The following VGLL4 variants were observed in gnomAD, a reference collection of about 807,000 sequenced individuals.
VGLL4 encodes transcription cofactor vestigial-like protein 4.
A neutral mutation model predicts 21.0 loss-of-function variants in VGLL4; 7 were observed. That is an observed-to-expected ratio of 0.33 (90% CI 0.19 to 0.63). The LOEUF (loss-of-function observed/expected upper bound fraction) is 0.63. Ranked by LOEUF, VGLL4 falls within the 20% of genes least tolerant of loss-of-function variation. The pLI is 0.78. For synonymous variants in VGLL4, 222 were observed against 173.2 expected, an observed-to-expected ratio of 1.28 and a Z score of -2.21; for missense variants, 394 against 425.7, an observed-to-expected ratio of 0.93 and a Z score of 0.66.
intron 1 of VGLL4, among the ~76,000 whole-genome samples, chr3:11,714,883 C>T (rs1484412488): frequency 1.3e-5 from 2 of 152,138 alleles, no homozygotes; most frequent in African/African-American, 4.8e-5. Flanking sequence ...CGCCTGTAAC[C>T]CCAGCAGTTT....
chr3:11,707,496 A>G (rs954482260), intron 1 of VGLL4, among the ~76,000 whole-genome samples: 1 of 151,874 alleles, frequency 6.6e-6, no homozygotes, highest in Non-Finnish European at 1.5e-5. Flanking sequence ...GGGACCAAGC[A>G]TTATCTAGCC....
rs921241409 is a variant in VGLL4 at position 11,562,052 on chromosome 3, C to A, written c.496-2597G>T. Among the ~76,000 whole-genome samples the A allele has an allele frequency of 2.0e-4, 30 of 152,190 alleles. 1 individual carries two copies. Among genetic ancestry groups the A allele is most frequent in the African/African-American group, 7.0e-4 (29 of 41,526 alleles). Reference sequence around the variant, plus strand: ...AGCTGGGATTACAGGCACCCACCACCACGCCTGGCTAATTTTTGTACTTTT... The same window carrying A: ...AGCTGGGATTACAGGCACCCACCACAACGCCTGGCTAATTTTTGTACTTTT... On this transcript the variant is annotated intron_variant, in intron 3 of 4. Transcript: ENST00000430365.
At chr3:11,656,217 G>A (rs981557210) in intron 2 of VGLL4, among the ~76,000 whole-genome samples, 12 of 152,316 alleles carry the variant, frequency 7.9e-5, no homozygotes, top group African/African-American at 2.4e-4. Context: ...CACGACAGAC[G>A]AGGTCCATTC....
intron 1 of VGLL4, among the ~76,000 whole-genome samples, chr3:11,608,341 A>C (rs2074991233): frequency 6.6e-6 from 1 of 152,228 alleles, no homozygotes; most frequent in Non-Finnish European, 1.5e-5. Context: ...TGCCTAGATA[A>C]AATGAAGAAA....
chr3:11,657,526 T>C (rs1342490204), intron 2 of VGLL4, among the ~76,000 whole-genome samples: 1 of 164 alleles, frequency 6.1e-3, no homozygotes, highest in Non-Finnish European at 0.013. Flanking sequence ...GGAACAATGG[T>C]GAGAGGATCT....
intron 2 of VGLL4, among the ~76,000 whole-genome samples, chr3:11,590,665 T>A (rs1479513167): frequency 2.3e-3 from 3 of 1,330 alleles, no homozygotes; most frequent in Non-Finnish European, 0.011. Flanking sequence ...AAATGAAGAG[T>A]GTGTGTGTGT....
At chr3:11,640,641 C>G (rs1474129747) in intron 1 of VGLL4, among the ~76,000 whole-genome samples, 1 of 152,162 alleles carries the variant, frequency 6.6e-6, no homozygotes, top group Non-Finnish European at 1.5e-5. Context: ...AACTTTTTCC[C>G]TTTATTCTTT....
intron 2 of VGLL4, among the ~76,000 whole-genome samples, chr3:11,567,835 A>G (rs898961519): frequency 1.3e-5 from 2 of 152,166 alleles, no homozygotes; most frequent in African/African-American, 4.8e-5. Context: ...TAAAGATACA[A>G]TTTTATTGTT....
intron 1 of VGLL4, among the ~76,000 whole-genome samples, chr3:11,714,873 C>T (rs968870488): frequency 3.9e-5 from 6 of 152,294 alleles, no homozygotes; most frequent in Admixed American, 3.9e-4. Context: ...CAGTGGCTCA[C>T]GCCTGTAACC....
chr3:11,690,715 C>G (rs1331790954), intron 2 of VGLL4, among the ~76,000 whole-genome samples: 1 of 151,890 alleles, frequency 6.6e-6, no homozygotes, highest in African/African-American at 2.4e-5. Context: ...TGGTACTTCA[C>G]CAGATTTCAA....
intron 1 of VGLL4, among the ~76,000 whole-genome samples, chr3:11,613,204 CAAAA>C (rs2075096561): frequency 6.6e-6 from 1 of 152,108 alleles, no homozygotes; most frequent in Non-Finnish European, 1.5e-5. Flanking sequence ...TAAAAATACT[CAAAA>C]AACTTCTGTC....
intron 1 of VGLL4, among the ~76,000 whole-genome samples, chr3:11,632,806 G>A (rs967137828): frequency 6.6e-6 from 1 of 152,132 alleles, no homozygotes; most frequent in African/African-American, 2.4e-5. Flanking sequence ...ATAAAGTCAG[G>A]GATCTTGCTG....
At chr3:11,678,143 C>T (rs970687457) in intron 2 of VGLL4, among the ~76,000 whole-genome samples, 2 of 152,108 alleles carry the variant, frequency 1.3e-5, no homozygotes, top group Non-Finnish European at 2.9e-5. Flanking sequence ...AACCTCCCAC[C>T]TCCTGGGTTC....
At chr3:11,693,107 C>T (rs1397734621) in intron 2 of VGLL4, 1 of 207,884 alleles carries the variant, frequency 4.8e-6, no homozygotes, top group Admixed American at 5.3e-5. Context: ...GGGGGCGGAG[C>T]TTGCAGTGAG....
chr3:11,671,181 G>A, intron 2 of VGLL4: 1 of 1,448,442 alleles, frequency 6.9e-7, no homozygotes, highest in Non-Finnish European at 9.3e-7. Flanking sequence ...ACTTTTCTTT[G>A]CAATACTATT....
At chr3:11,631,901 T>C (rs542872831) in intron 1 of VGLL4, among the ~76,000 whole-genome samples, 1 of 152,298 alleles carries the variant, frequency 6.6e-6, no homozygotes, top group East Asian at 1.9e-4. Flanking sequence ...TATCATGAGG[T>C]CAGAGCTCAT....
chr3:11,565,779 T>A lies in VGLL4; in HGVS notation c.273-760A>T, dbSNP rs1436352524. On this transcript the variant is annotated intron_variant, in intron 2 of 4. Transcript: ENST00000430365. This position sits in a 1 kb window ranked among gnomAD's most constrained non-coding sequence, Gnocchi z 4.1. ...GGTGAGACAGTCAGCACCACCTCCA[T>A]CTGATGTGTTAGTCTGAAGGCAGCG... 6.6e-6 allele frequency among the ~76,000 whole-genome samples: 1 copy of A among 152,180 alleles called. No individual in the cohort carries two copies. Among genetic ancestry groups the A allele is most frequent in the African/African-American group, 2.4e-5 (1 of 41,434 alleles).
intron 2 of VGLL4, among the ~76,000 whole-genome samples, chr3:11,696,269 A>G (rs2076605716): frequency 6.6e-6 from 1 of 151,910 alleles, no homozygotes; most frequent in African/African-American, 2.4e-5. Flanking sequence ...AAACACAACT[A>G]CTCCATTAGA....
intron 3 of VGLL4, among the ~76,000 whole-genome samples, chr3:11,563,980 G>A (rs909338035): frequency 3.3e-5 from 5 of 152,180 alleles, no homozygotes; most frequent in African/African-American, 7.2e-5. Flanking sequence ...CAGGGACACA[G>A]AGGCTCTTGC....
Sources: gnomAD v4.1 joint callset for allele counts (sites outside exome capture counted in the v4.1 genomes callset) on GRCh38, gnomAD v4.1.1 for gene constraint, Gnocchi (gnomAD v3.1) non-coding constraint, MANE v1.5 for transcripts, NCBI Gene and HGNC (gene_info 2026-07-23, HGNC 2026-07-21) for gene names.